Variants in ASIC2 observed in about 807,000 individuals in gnomAD.
ASIC2 encodes acid-sensing ion channel 2.
ASIC2 carries 25 observed loss-of-function variants against 57.3 expected under a neutral mutation model. The ratio of observed to expected loss-of-function variants is 0.44; its 90% CI spans 0.32 to 0.61. ASIC2 has a LOEUF of 0.61. ASIC2 is among the 20% of genes least tolerant of loss of function. The probability of loss-of-function intolerance (pLI) is 0.06; values close to 1 mark genes in which losing one functional copy is unlikely to be tolerated. For missense variants in ASIC2, 641 were observed against 738.1 expected, an observed-to-expected ratio of 0.87 and a Z score of 1.52; for synonymous variants, 319 against 307.5, an observed-to-expected ratio of 1.04 and a Z score of -0.39.
intron 1 of ASIC2, among the ~76,000 whole-genome samples, chr17:33,271,582 CTGCTTT>C (rs1381369689): frequency 6.6e-6 from 1 of 152,186 alleles, no homozygotes; most frequent in Non-Finnish European, 1.5e-5. Context: ...TTCTTGAGCC[CTGCTTT>C]TATCACCCTC....
At chr17:33,889,072 T>C (rs748479448) in intron 1 of ASIC2, among the ~76,000 whole-genome samples, 15 of 152,260 alleles carry the variant, frequency 9.9e-5, no homozygotes, top group Middle Eastern at 3.4e-3. Context: ...CTACTCTTGA[T>C]AGCTGCCTCC....
At chr17:33,174,755 G>A (rs1283653821) in intron 1 of ASIC2, among the ~76,000 whole-genome samples, 1 of 152,194 alleles carries the variant, frequency 6.6e-6, no homozygotes, top group Non-Finnish European at 1.5e-5. Flanking sequence ...GACTATGGAA[G>A]CTCATATGGA....
At position 33,122,438 on chromosome 17, in the gene ASIC2, C is replaced by G. The variant is rs146474200; in HGVS notation, c.709-10371G>C. On this transcript the variant is annotated intron_variant, in intron 1 of 9. Coordinates refer to ENST00000225823, the MANE Select transcript of ASIC2 (RefSeq NM_183377.2). ...ATTATTATTAATAGGGATTCTGCAC[C>G]TGAACTCTGATATCTGAGCTCCTAT... Among the ~76,000 whole-genome samples the G allele has an allele frequency of 4.8e-3, 733 of 152,282 alleles. 6 individuals carry two copies. Among genetic ancestry groups the G allele is most frequent in the African/African-American group, 0.016 (682 of 41,546 alleles).
chr17:34,041,603 C>T (rs547435077), intron 1 of ASIC2, among the ~76,000 whole-genome samples: 3 of 152,296 alleles, frequency 2.0e-5, no homozygotes, highest in Non-Finnish European at 4.4e-5. Flanking sequence ...CATATGGTGT[C>T]AGAGAAGTAA....
At chr17:33,597,060 C>G (rs983947319) in intron 1 of ASIC2, among the ~76,000 whole-genome samples, 1 of 152,244 alleles carries the variant, frequency 6.6e-6, no homozygotes, top group East Asian at 1.9e-4. Context: ...CAGATCAACA[C>G]AGCCAAAGGC....
intron 1 of ASIC2, among the ~76,000 whole-genome samples, chr17:33,812,842 C>G (rs993717891): frequency 4.6e-5 from 7 of 152,210 alleles, no homozygotes; most frequent in African/African-American, 1.4e-4. Context: ...CCACTGTGCT[C>G]CTCCTTCAGA....
intron 1 of ASIC2, among the ~76,000 whole-genome samples, chr17:33,246,454 G>A (rs1032672409): frequency 2.6e-5 from 4 of 152,194 alleles, no homozygotes; most frequent in South Asian, 2.1e-4. Flanking sequence ...TATTTAAAAC[G>A]AACTTCAGTG....
chr17:33,298,605 A>G (rs1485231272), intron 1 of ASIC2, among the ~76,000 whole-genome samples: 2 of 152,336 alleles, frequency 1.3e-5, no homozygotes, highest in Non-Finnish European at 2.9e-5. Context: ...TCCTTTGGGT[A>G]TATACCCAGT....
At chr17:33,780,764 G>C (rs986820909) in intron 1 of ASIC2, among the ~76,000 whole-genome samples, 1 of 152,200 alleles carries the variant, frequency 6.6e-6, no homozygotes, top group Non-Finnish European at 1.5e-5. Flanking sequence ...CTCTGAGCAG[G>C]GAAGGCGGGA....
intron 1 of ASIC2, among the ~76,000 whole-genome samples, chr17:33,741,874 G>A (rs976012970): frequency 4.6e-5 from 7 of 152,156 alleles, no homozygotes; most frequent in Admixed American, 2.0e-4. Context: ...GGATGTCTGC[G>A]GCAGATCCTG....
chr17:33,757,998 G>A (rs1014008521), intron 1 of ASIC2, among the ~76,000 whole-genome samples: 7 of 152,222 alleles, frequency 4.6e-5, no homozygotes, highest in Non-Finnish European at 1.0e-4. Context: ...CAGATAGCTT[G>A]AGAACAATTG....
At chr17:33,682,966 C>T (rs1908056769) in intron 1 of ASIC2, among the ~76,000 whole-genome samples, 1 of 152,214 alleles carries the variant, frequency 6.6e-6, no homozygotes, top group African/African-American at 2.4e-5. Flanking sequence ...TATTCTTTTG[C>T]TAGGGCTGCA....
At chr17:34,088,555 C>T (rs1287319983) in intron 1 of ASIC2, among the ~76,000 whole-genome samples, 1 of 152,212 alleles carries the variant, frequency 6.6e-6, no homozygotes. Flanking sequence ...AGAACCACTG[C>T]TCTCTTCAAA....
chr17:33,302,656 G>A (rs1488389629), intron 1 of ASIC2, among the ~76,000 whole-genome samples: 1 of 152,198 alleles, frequency 6.6e-6, no homozygotes, highest in Non-Finnish European at 1.5e-5. Flanking sequence ...CACTTCCTCT[G>A]GTTTCTCTAC....
chr17:34,079,808 A>C (rs1909808914), intron 1 of ASIC2, among the ~76,000 whole-genome samples: 1 of 152,214 alleles, frequency 6.6e-6, no homozygotes. Context: ...TTTGCTTGTC[A>C]GGTCACAGCA....
chr17:33,978,128 T>A lies in ASIC2; in HGVS notation c.555+177850A>T, dbSNP rs551933630. On this transcript the variant is annotated intron_variant, in intron 1 of 9. Transcript: ENST00000359872. ...CTGGATCTTTCCCAGGTTTGAAGGTTGAATGTGCCTGTGCTGGCCAGGGCT... is the reference window on the plus strand; with the variant it reads ...CTGGATCTTTCCCAGGTTTGAAGGTAGAATGTGCCTGTGCTGGCCAGGGCT... 2.0e-5 allele frequency among the ~76,000 whole-genome samples: 3 copies of A among 152,280 alleles called. No individual in the cohort carries two copies. In the South Asian group the frequency reaches 6.2e-4, roughly 32 times the overall value.
At chr17:34,126,521 A>G (rs1911785308) in intron 1 of ASIC2, among the ~76,000 whole-genome samples, 1 of 152,298 alleles carries the variant, frequency 6.6e-6, no homozygotes, top group Admixed American at 6.5e-5. Flanking sequence ...GTACGGCAAC[A>G]TCAGGGAGAA....
chr17:33,578,772 T>C (rs949151219), intron 1 of ASIC2, among the ~76,000 whole-genome samples: 2 of 141,956 alleles, frequency 1.4e-5, no homozygotes, highest in African/African-American at 5.6e-5. Context: ...TGGAAGGTGC[T>C]GATTTCGCAT....
At chr17:33,024,808 A>G (rs142439062) in intron 5 of ASIC2, among the ~76,000 whole-genome samples, 2,107 of 152,216 alleles carry the variant, frequency 0.014, 61 homozygotes, top group African/African-American at 0.044. Context: ...GTAATTTTCC[A>G]TCTACTGAGT....
Sources: gnomAD v4.1 joint callset for allele counts (sites outside exome capture counted in the v4.1 genomes callset) on GRCh38, gnomAD v4.1.1 for gene constraint, MANE v1.5 for transcripts, NCBI Gene and HGNC (gene_info 2026-07-23, HGNC 2026-07-21) for gene names.